ANKS1B: variants seen among roughly 807,000 people sequenced by gnomAD.
ANKS1B encodes ankyrin repeat and sterile alpha motif domain-containing protein 1B.
Under a neutral mutation model 148.3 loss-of-function variants are expected in ANKS1B, and 36 were observed. The ratio of observed to expected loss-of-function variants is 0.24; its 90% CI spans 0.19 to 0.32. ANKS1B has a LOEUF of 0.32. ANKS1B is among the 10% of genes least tolerant of loss of function. The pLI is 1.00. For synonymous variants in ANKS1B, 542 were observed against 560.8 expected, an observed-to-expected ratio of 0.97 and a Z score of 0.47; for missense variants, 1,157 against 1,542.6, an observed-to-expected ratio of 0.75 and a Z score of 4.19.
rs184798148 is a variant in ANKS1B, at chr12:99,580,263, T to C, written c.1272+74804A>G. 2.9e-3 allele frequency among the ~76,000 whole-genome samples: 447 copies of C among 152,166 alleles called. 3 individuals carry two copies. The highest frequency in any genetic ancestry group is 5.3e-3 in the Non-Finnish European group (359 of 67,986). On this transcript the variant is annotated intron_variant, in intron 9 of 26. Transcript: ENST00000683438. Reference sequence around the variant, plus strand: ...CCAGGTACTATGCTCACTACCTGGGTGACAAAATCATTTGTACACCAAACA... The same window carrying C: ...CCAGGTACTATGCTCACTACCTGGGCGACAAAATCATTTGTACACCAAACA...
chr12:99,334,800 A>G (rs1221505609), intron 12 of ANKS1B, among the ~76,000 whole-genome samples: 2 of 152,054 alleles, frequency 1.3e-5, no homozygotes, highest in Non-Finnish European at 1.5e-5. Context: ...GTATGGAGTA[A>G]GGCAAGGTGT....
At chr12:99,630,581 G>A (rs945329859) in intron 9 of ANKS1B, among the ~76,000 whole-genome samples, 1 of 152,172 alleles carries the variant, frequency 6.6e-6, no homozygotes, top group African/African-American at 2.4e-5. Flanking sequence ...TCATTTAAAA[G>A]GATGTTTATG....
At chr12:98,960,244 T>C (rs2099868949) in intron 17 of ANKS1B, among the ~76,000 whole-genome samples, 1 of 152,128 alleles carries the variant, frequency 6.6e-6, no homozygotes, top group African/African-American at 2.4e-5. Context: ...ACAAGGGTGC[T>C]TGTGTGATCC....
At chr12:99,121,648 T>G (rs1482488696) in intron 15 of ANKS1B, among the ~76,000 whole-genome samples, 1 of 152,210 alleles carries the variant, frequency 6.6e-6, no homozygotes, top group Admixed American at 6.5e-5. Flanking sequence ...CGATGTATCC[T>G]GGCAGTGGAG....
chr12:99,719,156 C>A (rs951950831), intron 8 of ANKS1B, among the ~76,000 whole-genome samples: 1 of 152,264 alleles, frequency 6.6e-6, no homozygotes, highest in East Asian at 1.9e-4. Flanking sequence ...CAGCGGCTGC[C>A]GCTGCTTTAA....
chr12:99,686,044 T>G (rs1350768644), intron 8 of ANKS1B, among the ~76,000 whole-genome samples: 3 of 152,076 alleles, frequency 2.0e-5, no homozygotes, highest in Non-Finnish European at 4.4e-5. Context: ...GTTTGGATGA[T>G]AGGTGCACCA....
intron 4 of ANKS1B, among the ~76,000 whole-genome samples, chr12:99,793,542 C>T (rs1200008634): frequency 1.3e-5 from 2 of 151,950 alleles, no homozygotes; most frequent in Admixed American, 6.6e-5. Context: ...AACTCATTTT[C>T]GACAAAAGAG....
At chr12:99,731,875 CA>C in intron 8 of ANKS1B, among the ~76,000 whole-genome samples, 1 of 152,140 alleles carries the variant, frequency 6.6e-6, no homozygotes, top group South Asian at 2.1e-4. Context: ...AATTAAAAGG[CA>C]AGCCAAAGAC....
intron 12 of ANKS1B, among the ~76,000 whole-genome samples, chr12:99,364,079 T>C (rs1189353850): frequency 1.3e-5 from 2 of 152,116 alleles, no homozygotes; most frequent in East Asian, 1.9e-4. Flanking sequence ...TCTCCAAGAA[T>C]GCCCCCAAAA....
chr12:99,204,038 ATTGGACG>A (rs2082361006), intron 14 of ANKS1B, among the ~76,000 whole-genome samples: 1 of 151,254 alleles, frequency 6.6e-6, no homozygotes, highest in Admixed American at 6.6e-5. Flanking sequence ...CTTAATAAAT[ATTGGACG>A]GTTGGTTGAA....
At chr12:99,002,927 T>C (rs1347976263) in intron 17 of ANKS1B, among the ~76,000 whole-genome samples, 1 of 152,196 alleles carries the variant, frequency 6.6e-6, no homozygotes, top group African/African-American at 2.4e-5. Context: ...GTCATGAAGA[T>C]TTTCCCTTAT....
In ANKS1B at chr12:99,480,722, T is replaced by C. The variant is rs181419074; in HGVS notation, c.1438+23754A>G. Among the ~76,000 whole-genome samples, 60 of 152,012 alleles carry C rather than the reference T, an allele frequency of 3.9e-4. 1 individual carries two copies. The highest frequency in any genetic ancestry group is 6.8e-3 in the Middle Eastern group (2 of 294). On this transcript the variant is annotated intron_variant, in intron 10 of 26. Coordinates refer to ENST00000683438, the MANE Select transcript of ANKS1B (RefSeq NM_001352186.2). ...ATGACATTATTTAGGAAGGTTTTTG[T>C]ATTCAATGAACAGTTGTTTGGTGGT...
intron 8 of ANKS1B, among the ~76,000 whole-genome samples, chr12:99,698,977 T>TGTGTGTGTGTGC (rs2054367002): frequency 6.6e-6 from 1 of 151,936 alleles, no homozygotes; most frequent in Non-Finnish European, 1.5e-5. Context: ...TGTGTGGGTG[T>TGTGTGTGTGTGC]GCACGCACGT....
At chr12:99,951,634 G>C (rs1203909894) in intron 1 of ANKS1B, among the ~76,000 whole-genome samples, 1 of 152,006 alleles carries the variant, frequency 6.6e-6, no homozygotes, top group East Asian at 1.9e-4. Context: ...CAGCACTCTG[G>C]GAGGCTGAAG....
downstream of ANKS1B, chr12:98,743,824 A>G (rs1001447272): frequency 1.0e-5 from 2 of 200,358 alleles, no homozygotes; most frequent in African/African-American, 4.7e-5. Flanking sequence ...TCTTTCTCAG[A>G]CTGGTTGAAC....
intron 3 of ANKS1B, among the ~76,000 whole-genome samples, chr12:99,810,903 C>T (rs1277415707): frequency 6.6e-6 from 1 of 151,878 alleles, no homozygotes; most frequent in East Asian, 1.9e-4. Context: ...TGGCTCATCT[C>T]ATAAATGATC....
At chr12:99,489,387 T>C (rs1028377457) in intron 10 of ANKS1B, among the ~76,000 whole-genome samples, 2 of 152,200 alleles carry the variant, frequency 1.3e-5, no homozygotes, top group African/African-American at 4.8e-5. Context: ...AAAGTACTTT[T>C]ATTCTTTTTA....
At chr12:98,850,313 T>G (rs1306872445) in intron 17 of ANKS1B, among the ~76,000 whole-genome samples, 1 of 152,138 alleles carries the variant, frequency 6.6e-6, no homozygotes, top group Non-Finnish European at 1.5e-5. Flanking sequence ...ATATCAAATA[T>G]GAGAAATTAT....
chr12:99,362,504 A>G (rs1267714540), intron 12 of ANKS1B, among the ~76,000 whole-genome samples: 1 of 152,042 alleles, frequency 6.6e-6, no homozygotes, highest in Non-Finnish European at 1.5e-5. Context: ...TGCCTAATAA[A>G]TGGAAGAGAT....
Sources: gnomAD v4.1 joint callset for allele counts (sites outside exome capture counted in the v4.1 genomes callset) on GRCh38, gnomAD v4.1.1 for gene constraint, MANE v1.5 for transcripts, NCBI Gene and HGNC (gene_info 2026-07-23, HGNC 2026-07-21) for gene names.